The following SPMIP3 variants were observed in gnomAD, a reference collection of about 807,000 sequenced individuals.
SPMIP3 encodes the protein sperm microtubule inner protein 3.
chr1:244,376,612 A>G, the SPMIP3 span: 1 of 152,308 alleles, frequency 6.6e-6, no homozygotes, highest in East Asian at 1.9e-4. Flanking sequence ...GTGGGACGGG[A>G]TGGGTATTTC....
the SPMIP3 span, among the ~76,000 whole-genome samples, chr1:244,381,194 AG>A: frequency 0.049 from 7,416 of 151,572 alleles, 186 homozygotes; most frequent in African/African-American, 0.057. Context: ...GGGGCTGAGG[AG>A]GGGGCTAAAA....
the SPMIP3 span, among the ~76,000 whole-genome samples, chr1:244,373,117 G>A: frequency 6.6e-5 from 10 of 151,370 alleles, no homozygotes; most frequent in Admixed American, 2.0e-4. Flanking sequence ...GCAGCGGCTC[G>A]CACCTGCAAT....
chr1:244,372,728 C>T, the SPMIP3 span, among the ~76,000 whole-genome samples: 1 of 152,220 alleles, frequency 6.6e-6, no homozygotes, highest in African/African-American at 2.4e-5. Flanking sequence ...CAGGCGCGAG[C>T]CCAGCCTCCT....
At chr1:244,361,213 C>CATTTCTTT in the SPMIP3 span, among the ~76,000 whole-genome samples, 1 of 132,662 alleles carries the variant, frequency 7.5e-6, no homozygotes, top group Non-Finnish European at 1.6e-5. Context: ...ATTTATCGTA[C>CATTTCTTT]ATTTCTTTTT....
the SPMIP3 span, among the ~76,000 whole-genome samples, chr1:244,356,476 A>T: frequency 6.6e-6 from 1 of 152,250 alleles, no homozygotes; most frequent in African/African-American, 2.4e-5. Flanking sequence ...TTGAAAATTA[A>T]CTTTGAGGAA....
the SPMIP3 span, among the ~76,000 whole-genome samples, chr1:244,383,998 AC>A: frequency 1.4e-4 from 22 of 152,318 alleles, no homozygotes; most frequent in African/African-American, 5.3e-4. Context: ...TGATGGATGT[AC>A]CAAAATCTCA....
chr1:244,362,843 C>CT, the SPMIP3 span, among the ~76,000 whole-genome samples: 71,449 of 117,594 alleles, frequency 0.61, 23,665 homozygotes, highest in Middle Eastern at 0.74. Flanking sequence ...TCCCTGTGAA[C>CT]TTTTTTTTTT....
chr1:244,366,616 G>A, the SPMIP3 span, among the ~76,000 whole-genome samples: 380 of 152,040 alleles, frequency 2.5e-3, 3 homozygotes, highest in African/African-American at 8.7e-3. Context: ...GCAGTGGCTC[G>A]TGCCTGTAAT....
At chr1:244,361,124 G>T in the SPMIP3 span, among the ~76,000 whole-genome samples, 1 of 152,006 alleles carries the variant, frequency 6.6e-6, no homozygotes, top group Non-Finnish European at 1.5e-5. Context: ...AATAAACGGT[G>T]GATGGTTAAT....
chr1:244,379,010 A>G, the SPMIP3 span, among the ~76,000 whole-genome samples: 51,220 of 151,440 alleles, frequency 0.34, 8,946 homozygotes, highest in East Asian at 0.64. Flanking sequence ...CTCACTGCAA[A>G]CTCCGCCTCC....
chr1:244,369,120 A>G, the SPMIP3 span, among the ~76,000 whole-genome samples: 1 of 152,076 alleles, frequency 6.6e-6, no homozygotes, highest in African/African-American at 2.4e-5. Context: ...AGATTGCACC[A>G]CTGCACTCCA....
At chr1:244,369,564 A>G in the SPMIP3 span, among the ~76,000 whole-genome samples, 1 of 152,088 alleles carries the variant, frequency 6.6e-6, no homozygotes, top group Non-Finnish European at 1.5e-5. Context: ...AGAAAGAGAA[A>G]ATCTCTCTCT....
the SPMIP3 span, among the ~76,000 whole-genome samples, chr1:244,364,198 G>A: frequency 2.0e-5 from 3 of 151,742 alleles, no homozygotes; most frequent in South Asian, 2.1e-4. Context: ...TCCGCCTCCC[G>A]GGTTCACACC....
the SPMIP3 span, among the ~76,000 whole-genome samples, chr1:244,372,569 A>G: frequency 3.3e-5 from 5 of 151,376 alleles, no homozygotes; most frequent in East Asian, 2.0e-4. Context: ...CCAGCCTCCC[A>G]AATAGCTGGG....
chr1:244,378,764 A>T, the SPMIP3 span: 33 of 1,044,032 alleles, frequency 3.2e-5, no homozygotes, highest in South Asian at 5.3e-4. Flanking sequence ...AGGCATGGAT[A>T]TGTGTGTGTG....
the SPMIP3 span, among the ~76,000 whole-genome samples, chr1:244,368,992 T>C: frequency 2.6e-5 from 4 of 152,144 alleles, no homozygotes; most frequent in African/African-American, 9.7e-5. Context: ...ACCCCGTCTC[T>C]ACTAAAAATA....
the SPMIP3 span, among the ~76,000 whole-genome samples, chr1:244,368,812 A>C: frequency 6.6e-6 from 1 of 152,208 alleles, no homozygotes; most frequent in Non-Finnish European, 1.5e-5. Context: ...ACACTAAATA[A>C]AAGTAAATAT....
the SPMIP3 span, among the ~76,000 whole-genome samples, chr1:244,372,611 T>C: frequency 6.6e-6 from 1 of 151,106 alleles, no homozygotes; most frequent in African/African-American, 2.4e-5. Context: ...ACCTGGCTAA[T>C]TTTTTGTATT....
At chr1:244,389,011 A>G in the SPMIP3 span, 2 of 1,614,106 alleles carry the variant, frequency 1.2e-6, no homozygotes, top group Non-Finnish European at 1.7e-6. Context: ...TCACTGCCAG[A>G]GCTCTACTGT....
Sources: gnomAD v4.1 joint callset for allele counts (sites outside exome capture counted in the v4.1 genomes callset) on GRCh38, gnomAD v4.1.1 for gene constraint, MANE v1.5 for transcripts, NCBI Gene and HGNC (gene_info 2026-07-23, HGNC 2026-07-21) for gene names.